Variants in NEK10 observed in about 807,000 individuals in gnomAD.
NEK10 encodes serine/threonine-protein kinase Nek10.
In NEK10, 122 loss-of-function variants were observed where a neutral mutation model predicts 159.8. That is an observed-to-expected ratio of 0.76 (90% CI 0.66 to 0.89). The LOEUF (loss-of-function observed/expected upper bound fraction) is 0.89. Among genes scored for constraint, NEK10 ranks in the 40% least tolerant of loss-of-function variants. The pLI, the probability that NEK10 is intolerant of heterozygous loss-of-function variation, is 0.00. For synonymous variants in NEK10, 466 were observed against 457.1 expected, an observed-to-expected ratio of 1.02 and a Z score of -0.25; for missense variants, 1,342 against 1,323.1, an observed-to-expected ratio of 1.01 and a Z score of -0.22.
intron 11 of NEK10, among the ~76,000 whole-genome samples, chr3:27,305,392 T>C (rs2044158542): frequency 1.3e-5 from 2 of 151,924 alleles, no homozygotes; most frequent in Non-Finnish European, 2.9e-5. Flanking sequence ...GGCGTGGTGG[T>C]GTGTGCCTGT....
At chr3:27,317,709 A>G (rs2045309890) in intron 6 of NEK10, among the ~76,000 whole-genome samples, 2 of 152,230 alleles carry the variant, frequency 1.3e-5, no homozygotes, top group Admixed American at 1.3e-4. Context: ...AACACACTGC[A>G]TAACTTTTAA....
intron 4 of NEK10, among the ~76,000 whole-genome samples, chr3:27,344,962 GCTT>G (rs1445963959): frequency 3.1e-4 from 47 of 152,238 alleles, no homozygotes; most frequent in African/African-American, 1.1e-3. Context: ...TCCAGCTTCA[GCTT>G]CTTTTTGCTG....
At chr3:27,352,180 G>T (rs143639987) in intron 3 of NEK10, among the ~76,000 whole-genome samples, 1 of 152,260 alleles carries the variant, frequency 6.6e-6, no homozygotes, top group Admixed American at 6.5e-5. Flanking sequence ...CAGTAAAAGA[G>T]TATGCAGTTT....
intron 5 of NEK10, among the ~76,000 whole-genome samples, chr3:27,324,193 C>CA (rs2045852887): frequency 2.6e-5 from 4 of 152,206 alleles, no homozygotes; most frequent in Admixed American, 2.6e-4. Context: ...AGCTGTCCCA[C>CA]ATCCAGTTAT....
intron 31 of NEK10, among the ~76,000 whole-genome samples, chr3:27,140,119 T>A (rs1424012212): frequency 1.3e-5 from 2 of 152,198 alleles, no homozygotes; most frequent in Non-Finnish European, 2.9e-5. Flanking sequence ...GTTAGTTGAC[T>A]AGGGTGTTCC....
rs550574037 is a variant in NEK10 at position 27,171,880 on chromosome 3, C to T, written c.2777-7G>A. On this transcript the variant is annotated splice_region_variant and splice_polypyrimidine_tract_variant and intron_variant, in intron 28 of 35. Transcript: ENST00000691995. ...AAACTTCTCTTTAAAATGTCTGAGACGAGAAAATAGAAATAACTTTACATT... is the reference window on the plus strand; with the variant it reads ...AAACTTCTCTTTAAAATGTCTGAGATGAGAAAATAGAAATAACTTTACATT... 45 of 1,610,496 alleles carry T rather than the reference C, an allele frequency of 2.8e-5. No individual in the cohort carries two copies. Among genetic ancestry groups the T allele is most frequent in the Middle Eastern group, 3.3e-4 (2 of 6,028 alleles).
intron 23 of NEK10, among the ~76,000 whole-genome samples, chr3:27,207,740 A>G (rs781372336): frequency 6.6e-6 from 1 of 152,134 alleles, no homozygotes. Context: ...ATCTCCCGGG[A>G]GTACCTTAAA....
At chr3:27,308,366 A>G (rs556425235) in intron 10 of NEK10, among the ~76,000 whole-genome samples, 1 of 152,328 alleles carries the variant, frequency 6.6e-6, no homozygotes, top group South Asian at 2.1e-4. Context: ...GGTTGGGGAC[A>G]CAAAGCCTAA....
intron 25 of NEK10, among the ~76,000 whole-genome samples, chr3:27,199,926 T>C (rs1214729677): frequency 6.6e-6 from 1 of 151,892 alleles, no homozygotes; most frequent in Non-Finnish European, 1.5e-5. Flanking sequence ...CCTGGATCCA[T>C]AAAGGGGAAC....
At chr3:27,337,956 T>C (rs1259347306) in intron 5 of NEK10, among the ~76,000 whole-genome samples, 1 of 152,190 alleles carries the variant, frequency 6.6e-6, no homozygotes, top group East Asian at 1.9e-4. Context: ...TCTTCTTTTA[T>C]TATTATACTT....
At position 27,325,985 on chromosome 3, in the gene NEK10, A is replaced by G. The variant is rs62255652; in HGVS notation, c.363-3724T>C. ...CCCAGTTTCCTCTGAAAATAGAGTC[A>G]GGATTCAACCAATCCCAAAACTGCC... On this transcript the variant is annotated intron_variant, in intron 5 of 35. Coordinates refer to ENST00000691995, the MANE Select transcript of NEK10 (RefSeq NM_001394966.1). Among the ~76,000 whole-genome samples, 343 of 152,360 alleles carry G rather than the reference A, an allele frequency of 2.3e-3. 3 individuals carry two copies. Among genetic ancestry groups the G allele is most frequent in the Middle Eastern group, 6.8e-3 (2 of 294 alleles).
intron 22 of NEK10, among the ~76,000 whole-genome samples, chr3:27,266,011 G>A (rs2040861728): frequency 6.6e-6 from 1 of 151,886 alleles, no homozygotes; most frequent in South Asian, 2.1e-4. Context: ...GTTTCACAGT[G>A]TTAGCCAGGA....
intron 26 of NEK10, among the ~76,000 whole-genome samples, chr3:27,188,395 C>A (rs1026622772): frequency 6.6e-5 from 10 of 152,174 alleles, no homozygotes. Context: ...AAGCATAATG[C>A]CTTACATTCA....
At chr3:27,169,602 A>C (rs1436308445) in intron 29 of NEK10, among the ~76,000 whole-genome samples, 1 of 152,250 alleles carries the variant, frequency 6.6e-6, no homozygotes, top group Non-Finnish European at 1.5e-5. Context: ...TAAATGTATC[A>C]GTGATGCATC....
At chr3:27,315,803 G>A (rs1438307594) in intron 6 of NEK10, among the ~76,000 whole-genome samples, 3 of 152,276 alleles carry the variant, frequency 2.0e-5, no homozygotes, top group Non-Finnish European at 2.9e-5. Context: ...GCAGTGTTAC[G>A]AGGCGCCAGA....
chr3:27,344,847 A>G (rs894661450), intron 4 of NEK10, among the ~76,000 whole-genome samples: 3 of 152,168 alleles, frequency 2.0e-5, no homozygotes, highest in African/African-American at 7.2e-5. Context: ...TACCTTCTAG[A>G]TAAGAAGAGT....
chr3:27,283,256 A>T (rs1040018296), intron 22 of NEK10, among the ~76,000 whole-genome samples: 2 of 152,178 alleles, frequency 1.3e-5, no homozygotes, highest in African/African-American at 2.4e-5. Context: ...TATGACATCA[A>T]TGATGTCTCC....
In NEK10 at chr3:27,201,495, C is replaced by T. The variant is rs371003424; in HGVS notation, c.2291+15G>A. On this transcript the variant is annotated intron_variant, in intron 25 of 35. Coordinates refer to ENST00000691995, the MANE Select transcript of NEK10 (RefSeq NM_001394966.1). ...TTGATTGTCCCTACATGTCTGAAGCCGCAAGACTAATTACCTGCTGATGGT... is the reference window on the plus strand; with the variant it reads ...TTGATTGTCCCTACATGTCTGAAGCTGCAAGACTAATTACCTGCTGATGGT... 4.0e-5 allele frequency: 64 copies of T among 1,611,148 alleles called. No homozygotes were observed. The highest frequency in any genetic ancestry group is 3.7e-4 in the South Asian group (34 of 90,784).
chr3:27,124,583 C>A (rs1941721490), intron 32 of NEK10, among the ~76,000 whole-genome samples: 1 of 152,192 alleles, frequency 6.6e-6, no homozygotes, highest in Admixed American at 6.5e-5. Flanking sequence ...GAAGCTAGGG[C>A]TGTCTTACAT....
Sources: gnomAD v4.1 joint callset for allele counts (sites outside exome capture counted in the v4.1 genomes callset) on GRCh38, gnomAD v4.1.1 for gene constraint, MANE v1.5 for transcripts, NCBI Gene and HGNC (gene_info 2026-07-23, HGNC 2026-07-21) for gene names.